The following SYDE2 variants were observed in gnomAD, a reference collection of about 807,000 sequenced individuals.
SYDE2 encodes the protein synapse defective Rho GTPase homolog 2.
A neutral mutation model predicts 91.5 loss-of-function variants in SYDE2; 76 were observed. The observed-to-expected ratio is 0.83, with a 90% CI of 0.69 to 1.01. The LOEUF (loss-of-function observed/expected upper bound fraction) is 1.01, where lower values mean the gene tolerates loss of function less well. Among genes scored for constraint, SYDE2 ranks in the 50% least tolerant of loss-of-function variants. The pLI, the probability that SYDE2 is intolerant of heterozygous loss-of-function variation, is 0.00. For missense variants in SYDE2, 1,364 were observed against 1,367.7 expected, an observed-to-expected ratio of 1.00 and a Z score of 0.04; for synonymous variants, 513 against 506.4, an observed-to-expected ratio of 1.01 and a Z score of -0.18.
chr1:85,196,402 G>C (rs752060118), intron 1 of SYDE2, among the ~76,000 whole-genome samples: 2 of 152,120 alleles, frequency 1.3e-5, no homozygotes, highest in Non-Finnish European at 2.9e-5. Context: ...AGTTTGAAAA[G>C]CACTGCTCTA....
In SYDE2 at chr1:85,164,306, A is replaced by C. The variant is rs528987414; in HGVS notation, c.3085+220T>G. Reference sequence around the variant, plus strand: ...CAGGATTTAAATCTAGATCTGACCAAGTCTAACATGTGCACATTAATCTAC... The same window carrying C: ...CAGGATTTAAATCTAGATCTGACCACGTCTAACATGTGCACATTAATCTAC... On this transcript the variant is annotated intron_variant, in intron 6 of 6. Coordinates refer to ENST00000341460, the MANE Select transcript of SYDE2 (RefSeq NM_032184.2). 7.9e-5 allele frequency among the ~76,000 whole-genome samples: 12 copies of C among 152,364 alleles called. No homozygotes were observed. In the South Asian group the frequency reaches 2.3e-3, roughly 29 times the overall value.
At chr1:85,189,883 C>T (rs1010852716) in intron 2 of SYDE2, among the ~76,000 whole-genome samples, 174 bp downstream of exon 2, 4 of 151,956 alleles carry the variant, frequency 2.6e-5, no homozygotes, top group Non-Finnish European at 4.4e-5. Context: ...ATTAAACCAG[C>T]GTGTACGTTA....
intron 6 of SYDE2, chr1:85,160,640 CACT>C: frequency 1.0e-6 from 1 of 985,360 alleles, no homozygotes; most frequent in Non-Finnish European, 1.2e-6. Flanking sequence ...TGCTTATCAC[CACT>C]ATCTCCTTGC....
rs1658763073 is a variant in SYDE2, at chr1:85,200,249, T to C, written c.745+3A>G. On this transcript the variant is annotated splice_donor_region_variant and intron_variant, in intron 1 of 6. Coordinates refer to ENST00000341460, the MANE Select transcript of SYDE2 (RefSeq NM_032184.2). The stretch of plus-strand genomic sequence containing the variant: ...CTAGCATTTTCATCGCAAAGTATCC[T>C]ACCTGTCAGCGTAATTCTTTGGTCT... 6.2e-7 allele frequency: 1 copy of C among 1,613,908 alleles called. No homozygotes were observed. Among genetic ancestry groups the C allele is most frequent in the Non-Finnish European group, 8.5e-7 (1 of 1,179,884 alleles).
chr1:85,153,561 C>G (rs1301591005), downstream of SYDE2: 1 of 152,184 alleles, frequency 6.6e-6, no homozygotes, highest in African/African-American at 2.4e-5. Context: ...AAGCTAATTC[C>G]TCTCTGCCTC....
Position 85,182,919 on chromosome 1 carries a change from GA to G in SYDE2, c.1722del (p.Leu575CysfsTer15), listed in dbSNP as rs1349479447. The G allele has an allele frequency of 6.2e-7, 1 of 1,613,674 alleles. No individual in the cohort carries two copies. The highest frequency in any genetic ancestry group is 2.2e-5 in the East Asian group (1 of 44,882). Reference sequence around the variant, plus strand: ...GCGGTGGTTGTGTTCCCAGAGGGCAGAATATCAGTATGATGAACTTCTCGGC... The same window carrying G: ...GCGGTGGTTGTGTTCCCAGAGGGCAGATATCAGTATGATGAACTTCTCGGC... The part of the protein sequence containing the change: ...YNCREVHHTD[I>X]LPSGNTTTAA... On this transcript the variant is annotated frameshift_variant, in exon 3 of 7. Coordinates refer to ENST00000341460, the MANE Select transcript of SYDE2 (RefSeq NM_032184.2). LOFTEE classifies it high-confidence loss of function.
chr1:85,168,405 C>T (rs990957025), intron 5 of SYDE2, among the ~76,000 whole-genome samples: 1 of 152,214 alleles, frequency 6.6e-6, no homozygotes, highest in Non-Finnish European at 1.5e-5. Flanking sequence ...CTCATCTAGA[C>T]AAGCCCAGTC....
intron 2 of SYDE2, among the ~76,000 whole-genome samples, chr1:85,188,465 T>C (rs1658239365): frequency 1.3e-5 from 2 of 152,192 alleles, no homozygotes; most frequent in African/African-American, 4.8e-5. Context: ...TTAATATACA[T>C]TTACTCCACC....
rs768831051 is a variant in SYDE2 at position 85,183,077 on chromosome 1, GATTTT to G, written c.1560_1564del (p.Lys521SerfsTer18). 6.2e-7 allele frequency: 1 copy of G among 1,613,472 alleles called. No individual in the cohort carries two copies. The highest frequency in any genetic ancestry group is 1.7e-5 in the Admixed American group (1 of 59,958). On this transcript the variant is annotated frameshift_variant, in exon 3 of 7. Coordinates refer to ENST00000341460, the MANE Select transcript of SYDE2 (RefSeq NM_032184.2). LOFTEE classifies it high-confidence loss of function. ...GGAAAGTTTCCTCACAGTTCGTGGA[GATTTT>G]ATTTTATCTGGCAATGACCAATTAA...
At chr1:85,153,744 C>T (rs143165636), downstream of SYDE2, 1 of 152,194 alleles carries the variant, frequency 6.6e-6, no homozygotes, top group African/African-American at 2.4e-5. Flanking sequence ...GTCATTCTGA[C>T]GACCTAGCCT....
At position 85,201,012 on chromosome 1, in the gene SYDE2, A is replaced by G; in HGVS notation, c.-16T>C. 7.9e-7 allele frequency: 1 copy of G among 1,268,494 alleles called. No individual in the cohort carries two copies. The highest frequency in any genetic ancestry group is 9.9e-7 in the Non-Finnish European group (1 of 1,010,922). 78.6% of individuals were successfully genotyped at this position (1,268,494 alleles called of 1,614,324 possible). A position where few individuals can be genotyped will look rare whatever the true frequency, so the allele number is the denominator to read the frequency against. ...GGTCGTGCATGGCCTGGATCAGCAG[A>G]TAATAGGCCTCTCGCAACTGGGTCC... On this transcript the variant is annotated 5_prime_UTR_variant, in exon 1 of 7. Coordinates refer to ENST00000341460, the MANE Select transcript of SYDE2 (RefSeq NM_032184.2).
chr1:85,155,323 G>A (rs1403910693), downstream of SYDE2, among the ~76,000 whole-genome samples: 1 of 152,132 alleles, frequency 6.6e-6, no homozygotes, highest in East Asian at 1.9e-4. Flanking sequence ...CTACAGTAAA[G>A]CAAGTGTTTT....
chr1:85,154,497 A>T (rs539265155), downstream of SYDE2, among the ~76,000 whole-genome samples: 18 of 143,900 alleles, frequency 1.3e-4, no homozygotes, highest in African/African-American at 4.4e-4. Context: ...CCAAGTACAG[A>T]GGCATTAGTA....
rs200243711 is a variant in SYDE2, at chr1:85,182,316, G to T, written c.2326C>A (p.His776Asn). ...GGTTCAAGTTTGACAGCCAACTGAT[G>T]AGTCTTTGTCACTCTAAATAAGGTG... The part of the protein sequence containing the change: ...LPTLFRVTKT[H>N]QLAVKLEPRG... The change falls in exon 3 of 7, where the codon CAT (histidine) becomes AAT (asparagine). Residue 776 changes from histidine to asparagine, a missense_variant. By Grantham distance (68) the His-to-Asn change is moderately conservative. Coordinates refer to ENST00000341460, the MANE Select transcript of SYDE2 (RefSeq NM_032184.2). 1 of 1,613,682 alleles carries T rather than the reference G, an allele frequency of 6.2e-7. No individual in the cohort carries two copies. The highest frequency in any genetic ancestry group is 1.1e-5 in the South Asian group (1 of 91,032).
At chr1:85,163,464 T>TATAA (rs1372549971) in intron 6 of SYDE2, among the ~76,000 whole-genome samples, 1 of 141,156 alleles carries the variant, frequency 7.1e-6, no homozygotes, top group East Asian at 2.0e-4. Flanking sequence ...TATATATATA[T>TATAA]ATATATATAT....
At chr1:85,164,262 T>G (rs1657184328) in intron 6 of SYDE2, among the ~76,000 whole-genome samples, 1 of 152,164 alleles carries the variant, frequency 6.6e-6, no homozygotes, top group African/African-American at 2.4e-5. Context: ...AAGGTCAGAT[T>G]GCTAATAAGT....
intron 2 of SYDE2, among the ~76,000 whole-genome samples, chr1:85,185,987 T>C (rs531733123): frequency 8.5e-5 from 13 of 152,294 alleles, no homozygotes; most frequent in African/African-American, 3.1e-4. Flanking sequence ...CCTAATTTAT[T>C]GAGAGTTTTT....
intron 6 of SYDE2, among the ~76,000 whole-genome samples, chr1:85,164,162 TTAAAAATCCTAA>T (rs1429445860): frequency 6.6e-6 from 1 of 152,204 alleles, no homozygotes. Context: ...TACACAATTT[TTAAAAATCCTAA>T]TAAAAATCTA....
At chr1:85,185,600 TTGTC>T (rs1371762821) in intron 2 of SYDE2, among the ~76,000 whole-genome samples, 1 of 152,156 alleles carries the variant, frequency 6.6e-6, no homozygotes, top group Non-Finnish European at 1.5e-5. Flanking sequence ...ATTTGGCTGT[TTGTC>T]TGTTATTGGT....
Sources: allele counts gnomAD v4.1 joint callset (sites outside exome capture counted in the v4.1 genomes callset), GRCh38; gene constraint gnomAD v4.1.1; transcripts MANE v1.5; gene names NCBI Gene and HGNC (gene_info 2026-07-23, HGNC 2026-07-21).